Variants in TSHR observed in about 807,000 individuals in gnomAD.
TSHR encodes the protein thyroid stimulating hormone receptor, also known as thyrotropin receptor.
A neutral mutation model predicts 64.1 loss-of-function variants in TSHR; 51 were observed. That is an observed-to-expected ratio of 0.80 (90% CI 0.64 to 1.01). The LOEUF is 1.01. Among genes scored for constraint, TSHR ranks in the 50% least tolerant of loss-of-function variants. TSHR has a pLI of 0.00. For missense variants in TSHR, 877 were observed against 942.8 expected (o/e 0.93, Z 0.91); for synonymous variants, 361 against 361.9 (o/e 1.00, Z 0.03).
intron 1 of TSHR, chr14:80,991,584 A>G: frequency 2.5e-6 from 1 of 398,636 alleles, no homozygotes; most frequent in South Asian, 1.3e-4. Flanking sequence ...ATTGGAGATA[A>G]AATTCAACAT....
intron 1 of TSHR, chr14:80,982,716 T>C: frequency 1.2e-6 from 1 of 848,528 alleles, no homozygotes; most frequent in Non-Finnish European, 1.7e-6. Context: ...AGGCAAGCCC[T>C]CCTTCATATA....
chr14:81,091,736 ACTGAGGAAT>A (rs1461810452), intron 5 of TSHR, among the ~76,000 whole-genome samples: 1 of 152,240 alleles, frequency 6.6e-6, no homozygotes, highest in East Asian at 1.9e-4. Flanking sequence ...GAATGAGGAA[ACTGAGGAAT>A]AGAAACCTCA....
intron 8 of TSHR, among the ~76,000 whole-genome samples, chr14:81,134,140 TA>T (rs1466928327): frequency 6.6e-6 from 1 of 152,186 alleles, no homozygotes; most frequent in Non-Finnish European, 1.5e-5. Flanking sequence ...TATTCTTTTT[TA>T]TTTTTTATTT....
At chr14:81,127,537 C>T (rs1023534323) in intron 8 of TSHR, among the ~76,000 whole-genome samples, 79 of 152,040 alleles carry the variant, frequency 5.2e-4, no homozygotes, top group Admixed American at 5.1e-3. Flanking sequence ...TACGGTTTGG[C>T]TGTGTCCCCA....
intron 3 of TSHR, among the ~76,000 whole-genome samples, chr14:81,077,354 G>C (rs1173414379): frequency 6.6e-6 from 1 of 152,198 alleles, no homozygotes; most frequent in African/African-American, 2.4e-5. Flanking sequence ...GAGTAGGCTA[G>C]TCTGAATTCA....
rs117915964 is a variant in TSHR, at chr14:80,962,391, G to C, written c.170+6541G>C. On this transcript the variant is annotated intron_variant, in intron 1 of 9. Coordinates refer to ENST00000298171, the MANE Select transcript of TSHR (RefSeq NM_000369.5). ...GCTAAAAGTTGGAAATCAAGGTATT[G>C]GCAGGGTCATGCTTCCTCTGAAGGC... Among the ~76,000 whole-genome samples the C allele has an allele frequency of 5.7e-3, 861 of 152,218 alleles. 11 individuals are homozygous for C. Among genetic ancestry groups the C allele is most frequent in the South Asian group, 0.028 (134 of 4,824 alleles).
chr14:80,994,518 G>A (rs539112434), intron 1 of TSHR: 13 of 152,230 alleles, frequency 8.5e-5, no homozygotes, highest in South Asian at 2.1e-4. Flanking sequence ...CCTGATACTC[G>A]TACAAGAACC....
intron 1 of TSHR, among the ~76,000 whole-genome samples, chr14:81,000,843 T>A (rs1291330599): frequency 1.3e-5 from 2 of 152,162 alleles, no homozygotes; most frequent in Non-Finnish European, 2.9e-5. Context: ...AAAAGGGAAG[T>A]GGGGTCTATA....
intron 1 of TSHR, chr14:81,001,381 A>G: frequency 7.9e-6 from 3 of 378,752 alleles, no homozygotes; most frequent in Middle Eastern, 9.7e-4. Context: ...CAGGGAGAGT[A>G]CATGCATGGG....
chr14:80,988,859 C>T (rs1888598178), intron 1 of TSHR, among the ~76,000 whole-genome samples: 1 of 152,154 alleles, frequency 6.6e-6, no homozygotes, highest in Admixed American at 6.5e-5. Context: ...TGTGGGCATT[C>T]CCCCAAACTA....
chr14:80,991,928 C>A, intron 1 of TSHR: 1 of 243,598 alleles, frequency 4.1e-6, no homozygotes, highest in Non-Finnish European at 7.8e-6. Flanking sequence ...AAGATAGAAT[C>A]ACTTTGTTCT....
At chr14:81,102,325 A>G (rs1271943194) in intron 7 of TSHR, among the ~76,000 whole-genome samples, 3 of 152,206 alleles carry the variant, frequency 2.0e-5, no homozygotes, top group African/African-American at 7.2e-5. Flanking sequence ...CGGCAGAGAT[A>G]TTCTGTCAGT....
chr14:81,124,213 CT>C (rs906927756), intron 8 of TSHR, among the ~76,000 whole-genome samples: 48 of 150,484 alleles, frequency 3.2e-4, no homozygotes, highest in Non-Finnish European at 8.9e-5. Flanking sequence ...TCTTTGGTTT[CT>C]TTTTTTTCTT....
At chr14:81,126,732 G>C (rs1891035520) in intron 8 of TSHR, among the ~76,000 whole-genome samples, 1 of 152,136 alleles carries the variant, frequency 6.6e-6, no homozygotes, top group Admixed American at 6.5e-5. Flanking sequence ...AGAATCTGAA[G>C]TTTGTTCTTT....
intron 3 of TSHR, among the ~76,000 whole-genome samples, chr14:81,072,913 C>T (rs1489177308): frequency 7.5e-6 from 1 of 134,152 alleles, no homozygotes; most frequent in East Asian, 2.0e-4. Context: ...AGGAGAATGG[C>T]GTGAACCCGG....
At chr14:81,128,723 C>G (rs1409989403) in intron 8 of TSHR, among the ~76,000 whole-genome samples, 1 of 152,188 alleles carries the variant, frequency 6.6e-6, no homozygotes, top group Non-Finnish European at 1.5e-5. Context: ...GTTGTTTTCT[C>G]TGCCAGAGAG....
At chr14:81,093,229 T>A (rs1180125591) in intron 6 of TSHR, among the ~76,000 whole-genome samples, 3 of 152,262 alleles carry the variant, frequency 2.0e-5, no homozygotes, top group Non-Finnish European at 4.4e-5. Context: ...AGCATAGTGC[T>A]GCTATAGGTC....
chr14:80,976,730 A>T (rs1024525402), intron 1 of TSHR, among the ~76,000 whole-genome samples: 1 of 152,210 alleles, frequency 6.6e-6, no homozygotes, highest in East Asian at 1.9e-4. Context: ...GTCTCTGTAT[A>T]CAAGAAGTCC....
chr14:81,055,055 G>C (rs28750397), intron 1 of TSHR, among the ~76,000 whole-genome samples: 35,114 of 151,962 alleles, frequency 0.23, 4,111 homozygotes, highest in South Asian at 0.28. Context: ...AAAATGGCAT[G>C]GTGGGCTGGG....
Sources: gnomAD v4.1 joint callset for allele counts (sites outside exome capture counted in the v4.1 genomes callset) on GRCh38, gnomAD v4.1.1 for gene constraint, MANE v1.5 for transcripts, NCBI Gene and HGNC (gene_info 2026-07-23, HGNC 2026-07-21) for gene names.